The following SLC36A1 variants were observed in gnomAD, a reference collection of about 807,000 sequenced individuals.
SLC36A1 encodes the protein solute carrier family 36 member 1, also known as proton-coupled amino acid transporter 1.
In SLC36A1, 30 loss-of-function variants were observed where a neutral mutation model predicts 47.5. The ratio of observed to expected loss-of-function variants is 0.63; its 90% CI spans 0.47 to 0.86. SLC36A1 has a LOEUF of 0.86. SLC36A1 is among the 40% of genes least tolerant of loss of function. The pLI is 0.00. For missense variants in SLC36A1, 517 were observed against 606.0 expected (o/e 0.85, Z 1.54); for synonymous variants, 255 against 249.7 (o/e 1.02, Z -0.20).
the SLC36A1 span, chr5:151,527,320 C>T: frequency 7.4e-6 from 12 of 1,613,530 alleles, no homozygotes; most frequent in Non-Finnish European, 1.0e-5. Flanking sequence ...TCTGTGTCCT[C>T]ATGCAGTGGA....
At chr5:151,456,426 A>G (rs1403417713) in intron 1 of SLC36A1, among the ~76,000 whole-genome samples, 1 of 152,256 alleles carries the variant, frequency 6.6e-6, no homozygotes, top group Non-Finnish European at 1.5e-5. Flanking sequence ...GTTCACAGGT[A>G]CTAAGCAAAC....
At chr5:151,457,115 T>A (rs1410178798) in intron 1 of SLC36A1, among the ~76,000 whole-genome samples, 1 of 152,176 alleles carries the variant, frequency 6.6e-6, no homozygotes, top group African/African-American at 2.4e-5. Context: ...CACTTGGTTC[T>A]TGAAGAGCAG....
intron 7 of SLC36A1, among the ~76,000 whole-genome samples, chr5:151,472,347 G>A (rs1757427182): frequency 6.6e-6 from 1 of 152,224 alleles, no homozygotes; most frequent in Non-Finnish European, 1.5e-5. Flanking sequence ...TGGCCGAGCT[G>A]GCAGCTGATT....
At chr5:151,352,094 T>G in the SLC36A1 span, among the ~76,000 whole-genome samples, 1 of 152,254 alleles carries the variant, frequency 6.6e-6, no homozygotes, top group Non-Finnish European at 1.5e-5. Flanking sequence ...TCTCTGTGCC[T>G]GCACTTTTTA....
the SLC36A1 span, among the ~76,000 whole-genome samples, chr5:151,519,517 C>A: frequency 6.6e-6 from 1 of 152,044 alleles, no homozygotes; most frequent in Non-Finnish European, 1.5e-5. Context: ...TAAGTTCTCT[C>A]GGAGAATCTG....
the SLC36A1 span, chr5:151,505,903 G>T: frequency 6.3e-7 from 1 of 1,592,584 alleles, no homozygotes; most frequent in Middle Eastern, 1.7e-4. Flanking sequence ...GGTGGGAGAG[G>T]TGCCCGCTTG....
the SLC36A1 span, among the ~76,000 whole-genome samples, chr5:151,393,153 G>A: frequency 1.3e-5 from 2 of 151,638 alleles, no homozygotes; most frequent in African/African-American, 4.9e-5. Flanking sequence ...TTACCATTAT[G>A]TAATGGCCTT....
chr5:151,531,798 C>T, the SLC36A1 span: 20 of 1,612,984 alleles, frequency 1.2e-5, no homozygotes, highest in Non-Finnish European at 1.7e-5. The surrounding 1 kb of genome is among the most constrained non-coding windows in gnomAD (Gnocchi z 5.7). Context: ...CGGTGCCCAG[C>T]GTGGACAGCG....
intron 5 of SLC36A1, among the ~76,000 whole-genome samples, chr5:151,465,945 T>TAA (rs35854261): frequency 0.28 from 41,228 of 146,838 alleles, 6,513 homozygotes; most frequent in East Asian, 0.62. Context: ...TAAAAATTCT[T>TAA]AAAAAAAAAA....
At chr5:151,503,198 G>T in the SLC36A1 span, among the ~76,000 whole-genome samples, 1 of 147,830 alleles carries the variant, frequency 6.8e-6, no homozygotes, top group Non-Finnish European at 1.5e-5. Flanking sequence ...GCAACACCAA[G>T]AGTGAACCCT....
the SLC36A1 span, among the ~76,000 whole-genome samples, chr5:151,498,251 G>T: frequency 2.3e-4 from 35 of 152,226 alleles, no homozygotes; most frequent in Admixed American, 1.0e-3. Context: ...GGCCAGGGGG[G>T]TGGGAATGTC....
At chr5:151,484,216 T>A (rs1439989244) in intron 10 of SLC36A1, among the ~76,000 whole-genome samples, 3 of 152,144 alleles carry the variant, frequency 2.0e-5, no homozygotes, top group African/African-American at 4.8e-5. Context: ...GATGACAGAC[T>A]CTCAGGGCTG....
At chr5:151,545,042 C>T in the SLC36A1 span, 1 of 1,614,178 alleles carries the variant, frequency 6.2e-7, no homozygotes, top group Non-Finnish European at 8.5e-7. Flanking sequence ...TGCTCCCGGT[C>T]AAACGCCACA....
At chr5:151,508,800 G>A in the SLC36A1 span, among the ~76,000 whole-genome samples, 1 of 151,978 alleles carries the variant, frequency 6.6e-6, no homozygotes, top group Non-Finnish European at 1.5e-5. Flanking sequence ...TACTGCAGCT[G>A]TAAAATGAGT....
At chr5:151,388,922 C>G in the SLC36A1 span, among the ~76,000 whole-genome samples, 1 of 152,036 alleles carries the variant, frequency 6.6e-6, no homozygotes, top group Non-Finnish European at 1.5e-5. Context: ...TGAAAGTCTA[C>G]AATCATAAAA....
At chr5:151,452,074 A>G (rs969906372) in intron 1 of SLC36A1, among the ~76,000 whole-genome samples, 2 of 152,092 alleles carry the variant, frequency 1.3e-5, no homozygotes, top group African/African-American at 4.8e-5. Flanking sequence ...AGTGATCTTC[A>G]TGGTTGGGAG....
the SLC36A1 span, among the ~76,000 whole-genome samples, chr5:151,536,939 G>A: frequency 6.6e-6 from 1 of 152,148 alleles, no homozygotes. Context: ...TCCTCAGTGT[G>A]TGTACTATTT....
chr5:151,525,927 G>A, the SLC36A1 span: 1 of 1,614,078 alleles, frequency 6.2e-7, no homozygotes, highest in Admixed American at 1.7e-5. Context: ...GGTCACTCAG[G>A]ATCAGCTGCA....
chr5:151,426,214 G>A, the SLC36A1 span, among the ~76,000 whole-genome samples: 11 of 152,330 alleles, frequency 7.2e-5, no homozygotes, highest in African/African-American at 2.6e-4. Flanking sequence ...ACGAGAGACT[G>A]AGAAAAGAAA....
Sources: allele counts gnomAD v4.1 joint callset (sites outside exome capture counted in the v4.1 genomes callset), GRCh38; gene constraint gnomAD v4.1.1; non-coding constraint Gnocchi (gnomAD v3.1); transcripts MANE v1.5; gene names NCBI Gene and HGNC (gene_info 2026-07-23, HGNC 2026-07-21).